PCDH15: variants seen among roughly 807,000 people sequenced by gnomAD.
PCDH15 encodes protocadherin related 15.
Under a neutral mutation model 178.5 loss-of-function variants are expected in PCDH15, and 129 were observed. That is an observed-to-expected ratio of 0.72 (90% CI 0.63 to 0.84). PCDH15 has a LOEUF of 0.84. Among genes scored for constraint, PCDH15 ranks in the 40% least tolerant of loss-of-function variants. The pLI, the probability that PCDH15 is intolerant of heterozygous loss-of-function variation, is 0.00. For missense variants in PCDH15, 2,230 were observed against 2,099.9 expected (o/e 1.06, Z -1.21); for synonymous variants, 800 against 732.0 (o/e 1.09, Z -1.50).
At chr10:54,336,433 G>T (rs1189849047) in intron 6 of PCDH15, among the ~76,000 whole-genome samples, 1 of 152,186 alleles carries the variant, frequency 6.6e-6, no homozygotes, top group African/African-American at 2.4e-5. Context: ...TCATGGGCCA[G>T]GTCCTGGACC....
intron 26 of PCDH15, among the ~76,000 whole-genome samples, chr10:53,883,487 T>G (rs963592361): frequency 6.6e-6 from 1 of 152,174 alleles, no homozygotes; most frequent in African/African-American, 2.4e-5. Flanking sequence ...TAAGGGCTGA[T>G]ACTCGGTAGA....
intron 2 of PCDH15, among the ~76,000 whole-genome samples, chr10:55,109,512 G>T (rs1041914762): frequency 6.6e-6 from 1 of 152,062 alleles, no homozygotes. Flanking sequence ...AGAGAAAAGG[G>T]AAATCAGTAT....
At position 55,499,297 on chromosome 10, in the gene PCDH15, T is replaced by C. The variant is rs1481299999; in HGVS notation, c.-156+128328A>G. On this transcript the variant is annotated intron_variant, in intron 2 of 5. Transcript: ENST00000613346. ...AATACAATTTTCATATGATCTTTCATAGGATTTGAGAAAAATACATTTGAA... is the reference window on the plus strand; with the variant it reads ...AATACAATTTTCATATGATCTTTCACAGGATTTGAGAAAAATACATTTGAA... 4.0e-5 allele frequency among the ~76,000 whole-genome samples: 6 copies of C among 151,722 alleles called. No individual in the cohort carries two copies. In the East Asian group the frequency reaches 9.8e-4, roughly 25 times the overall value.
At chr10:54,770,562 T>G (rs1057266691) in intron 1 of PCDH15, among the ~76,000 whole-genome samples, 2 of 152,078 alleles carry the variant, frequency 1.3e-5, no homozygotes, top group Admixed American at 6.6e-5. Context: ...GGTGGACATT[T>G]AGGATATGTA....
intron 2 of PCDH15, among the ~76,000 whole-genome samples, chr10:55,600,363 T>TA (rs34329607): frequency 0.028 from 3,984 of 141,206 alleles, 65 homozygotes; most frequent in Non-Finnish European, 0.042. Flanking sequence ...GACTCTGTCT[T>TA]AAAAAAAAAA....
chr10:55,168,171 T>C (rs1839243281), intron 1 of PCDH15, among the ~76,000 whole-genome samples: 1 of 152,106 alleles, frequency 6.6e-6, no homozygotes, highest in Admixed American at 6.6e-5. Flanking sequence ...AGCAAATCCT[T>C]TCCAGACAAA....
intron 2 of PCDH15, among the ~76,000 whole-genome samples, chr10:54,583,618 G>A (rs2091229007): frequency 6.6e-6 from 1 of 152,136 alleles, no homozygotes; most frequent in East Asian, 1.9e-4. Flanking sequence ...TAACATACAA[G>A]CATTCAGTAG....
chr10:54,907,398 C>A (rs1006344432), intron 2 of PCDH15, among the ~76,000 whole-genome samples: 24 of 152,208 alleles, frequency 1.6e-4, no homozygotes, highest in Admixed American at 5.9e-4. Flanking sequence ...CACTATAAAT[C>A]CCCCCTGCAA....
At chr10:54,057,820 C>T (rs1053329874) in intron 18 of PCDH15, among the ~76,000 whole-genome samples, 1 of 152,158 alleles carries the variant, frequency 6.6e-6, no homozygotes, top group Non-Finnish European at 1.5e-5. Flanking sequence ...CTCTTGAGCA[C>T]TTTGCCACTT....
At chr10:55,205,963 T>C (rs1422869881) in intron 1 of PCDH15, among the ~76,000 whole-genome samples, 2 of 151,896 alleles carry the variant, frequency 1.3e-5, no homozygotes, top group African/African-American at 4.8e-5. Context: ...CTTAAAACTA[T>C]CAGATCTGGT....
chr10:54,683,293 A>G (rs1045193601), intron 1 of PCDH15, among the ~76,000 whole-genome samples: 2 of 151,962 alleles, frequency 1.3e-5, no homozygotes, highest in African/African-American at 2.4e-5. Flanking sequence ...CATCTTCAGA[A>G]CTTTTCATCG....
intron 3 of PCDH15, among the ~76,000 whole-genome samples, chr10:54,815,266 TTTA>T (rs1479943395): frequency 6.6e-6 from 1 of 152,132 alleles, no homozygotes; most frequent in African/African-American, 2.4e-5. Context: ...ACTAGTCTAT[TTTA>T]TTATTTACTA....
intron 3 of PCDH15, among the ~76,000 whole-genome samples, chr10:54,477,278 A>G (rs376135928): frequency 1.3e-5 from 2 of 152,032 alleles, no homozygotes; most frequent in South Asian, 2.1e-4. Context: ...TTCCTCACAC[A>G]TACTCCTCTT....
intron 1 of PCDH15, among the ~76,000 whole-genome samples, chr10:55,309,883 T>C (rs1291740436): frequency 1.3e-5 from 2 of 152,182 alleles, no homozygotes; most frequent in African/African-American, 2.4e-5. Context: ...GCTAGAAGGG[T>C]CATGACTGCT....
chr10:54,038,548 A>T (rs1207883214), intron 18 of PCDH15, among the ~76,000 whole-genome samples: 4 of 151,930 alleles, frequency 2.6e-5, no homozygotes, highest in African/African-American at 7.2e-5. Flanking sequence ...CTGGGGTAAA[A>T]TGTCCAGCAT....
intron 2 of PCDH15, among the ~76,000 whole-genome samples, chr10:54,535,861 CTTTAT>C (rs1565532601): frequency 6.6e-6 from 1 of 151,674 alleles, no homozygotes; most frequent in Non-Finnish European, 1.5e-5. Context: ...TATTATTGTA[CTTTAT>C]TTTATAGTTT....
chr10:55,356,916 A>G (rs1845094641), intron 2 of PCDH15, among the ~76,000 whole-genome samples: 1 of 151,938 alleles, frequency 6.6e-6, no homozygotes, highest in Middle Eastern at 3.2e-3. Context: ...CTTTGTATGT[A>G]GATTAAAGGT....
chr10:55,157,409 G>A lies in PCDH15; in HGVS notation c.-80+9167C>T, dbSNP rs576315663. On this transcript the variant is annotated intron_variant, in intron 2 of 5. Coordinates refer to the PCDH15 transcript ENST00000458638. The stretch of plus-strand genomic sequence containing the variant: ...GAAGACAGTGTGGCGATTCCTCAGG[G>A]ATCTAGAACTAGAAATACCATTTGA... Among the ~76,000 whole-genome samples, 40 of 147,998 alleles carry A rather than the reference G, an allele frequency of 2.7e-4. 1 individual carries two copies. Among genetic ancestry groups the A allele is most frequent in the Admixed American group, 5.4e-4 (8 of 14,736 alleles).
intron 2 of PCDH15, among the ~76,000 whole-genome samples, chr10:54,529,123 ATAAT>A (rs991230412): frequency 1.4e-4 from 21 of 151,948 alleles, no homozygotes; most frequent in African/African-American, 4.6e-4. Context: ...ATATACATGA[ATAAT>A]TAGGCCTTCA....
Sources: allele counts gnomAD v4.1 joint callset (sites outside exome capture counted in the v4.1 genomes callset), GRCh38; gene constraint gnomAD v4.1.1; transcripts MANE v1.5; gene names NCBI Gene and HGNC (gene_info 2026-07-23, HGNC 2026-07-21).